The following GRID1 variants were observed in gnomAD, a reference collection of about 807,000 sequenced individuals.
The protein encoded by GRID1 is glutamate receptor ionotropic, delta-1.
In GRID1, 28 loss-of-function variants were observed where a neutral mutation model predicts 98.0. The ratio of observed to expected loss-of-function variants is 0.29; its 90% CI spans 0.21 to 0.39. GRID1 has a LOEUF of 0.39. GRID1 is among the 10% of genes least tolerant of loss of function. The probability of loss-of-function intolerance (pLI) is 1.00; values close to 1 mark genes in which losing one functional copy is unlikely to be tolerated. For synonymous variants in GRID1, 553 were observed against 538.5 expected, an observed-to-expected ratio of 1.03 and a Z score of -0.37; for missense variants, 1,111 against 1,340.5, an observed-to-expected ratio of 0.83 and a Z score of 2.67.
At chr10:86,323,761 A>C (rs1391600925) in intron 2 of GRID1, among the ~76,000 whole-genome samples, 4 of 152,258 alleles carry the variant, frequency 2.6e-5, no homozygotes, top group African/African-American at 9.6e-5. Flanking sequence ...AAGTCACTGA[A>C]GTGTATACTT....
At chr10:86,168,133 G>A (rs1263880646) in intron 3 of GRID1, among the ~76,000 whole-genome samples, 1 of 152,160 alleles carries the variant, frequency 6.6e-6, no homozygotes, top group Non-Finnish European at 1.5e-5. Context: ...GGGGCAAGGT[G>A]AGCCTGCATG....
chr10:85,874,153 T>C (rs1372721140), intron 5 of GRID1, among the ~76,000 whole-genome samples: 1 of 152,226 alleles, frequency 6.6e-6, no homozygotes, highest in Admixed American at 6.5e-5. Context: ...AGAATTAAAG[T>C]TCCTTGATTA....
At chr10:85,715,354 A>T (rs1841626611) in intron 12 of GRID1, among the ~76,000 whole-genome samples, 1 of 152,250 alleles carries the variant, frequency 6.6e-6, no homozygotes, top group African/African-American at 2.4e-5. Context: ...AGCACAGGCA[A>T]CAAAAGCAAC....
intron 4 of GRID1, among the ~76,000 whole-genome samples, chr10:86,037,314 G>A (rs1301056756): frequency 1.3e-5 from 2 of 152,170 alleles, no homozygotes; most frequent in Non-Finnish European, 2.9e-5. Flanking sequence ...CAAAAAGCAG[G>A]GAGCCTGATG....
intron 2 of GRID1, among the ~76,000 whole-genome samples, chr10:86,337,819 T>C (rs990268356): frequency 2.1e-5 from 3 of 146,054 alleles, no homozygotes; most frequent in African/African-American, 7.6e-5. Context: ...GTGATTCTCC[T>C]GCCTCAGCCT....
At chr10:85,752,657 T>G (rs926084656) in intron 8 of GRID1, among the ~76,000 whole-genome samples, 7 of 152,224 alleles carry the variant, frequency 4.6e-5, no homozygotes, top group Non-Finnish European at 1.5e-5. Context: ...AACTTGGAAT[T>G]TTTAACCAAT....
intron 4 of GRID1, among the ~76,000 whole-genome samples, chr10:85,932,152 T>A (rs1470870329): frequency 1.3e-5 from 2 of 152,220 alleles, no homozygotes; most frequent in Middle Eastern, 3.2e-3. Context: ...ATAGTATCTT[T>A]ATTACCAAGC....
chr10:86,024,115 G>A (rs537290783), intron 4 of GRID1, among the ~76,000 whole-genome samples: 2 of 152,212 alleles, frequency 1.3e-5, no homozygotes, highest in East Asian at 1.9e-4. Context: ...CCTAGTCAAG[G>A]GCCCCATGAG....
intron 13 of GRID1, among the ~76,000 whole-genome samples, chr10:85,623,977 T>C (rs752637476): frequency 6.6e-6 from 1 of 152,086 alleles, no homozygotes; most frequent in South Asian, 2.1e-4. Context: ...TGTCCCAGAG[T>C]CCCTTGACCA....
chr10:86,123,661 GT>G, intron 4 of GRID1, among the ~76,000 whole-genome samples: 1 of 152,324 alleles, frequency 6.6e-6, no homozygotes. Flanking sequence ...TGTTATTGCT[GT>G]TGCTTTTGCT....
intron 3 of GRID1, among the ~76,000 whole-genome samples, chr10:86,160,039 C>T (rs1845299552): frequency 6.6e-6 from 1 of 152,150 alleles, no homozygotes; most frequent in Admixed American, 6.5e-5. Flanking sequence ...CCACCATCAA[C>T]ACCAGCATCA....
chr10:86,088,941 A>G (rs1212826121), intron 4 of GRID1, among the ~76,000 whole-genome samples: 1 of 152,062 alleles, frequency 6.6e-6, no homozygotes, highest in South Asian at 2.1e-4. Context: ...CTATCTAGCC[A>G]AAGGTCCAGG....
chr10:85,876,028 G>C (rs1046640339), intron 5 of GRID1, among the ~76,000 whole-genome samples: 1 of 152,124 alleles, frequency 6.6e-6, no homozygotes, highest in Non-Finnish European at 1.5e-5. Flanking sequence ...TCTCACTCTT[G>C]AAAGATATAA....
intron 2 of GRID1, among the ~76,000 whole-genome samples, chr10:86,329,614 TC>T (rs1248010516): frequency 6.6e-6 from 1 of 152,008 alleles, no homozygotes; most frequent in African/African-American, 2.4e-5. Context: ...TCTGTGACCA[TC>T]CCCTGGTCCA....
chr10:85,735,151 C>T (rs1013737831), intron 8 of GRID1, among the ~76,000 whole-genome samples: 1 of 152,176 alleles, frequency 6.6e-6, no homozygotes, highest in Non-Finnish European at 1.5e-5. Context: ...TTGTATTTTG[C>T]AGACAGAATT....
At chr10:86,002,645 G>C (rs1277115459) in intron 4 of GRID1, among the ~76,000 whole-genome samples, 1 of 152,136 alleles carries the variant, frequency 6.6e-6, no homozygotes, top group Non-Finnish European at 1.5e-5. Flanking sequence ...TCCTACAAAA[G>C]AAAGGAGCCA....
intron 4 of GRID1, among the ~76,000 whole-genome samples, chr10:85,917,695 T>C (rs1841640551): frequency 6.6e-6 from 1 of 152,198 alleles, no homozygotes; most frequent in South Asian, 2.1e-4. Context: ...GCCTGCAAAC[T>C]GTCATGCACA....
chr10:86,020,036 A>G (rs1843029500), intron 4 of GRID1, among the ~76,000 whole-genome samples: 1 of 152,256 alleles, frequency 6.6e-6, no homozygotes, highest in South Asian at 2.1e-4. Context: ...CAGACGTCAT[A>G]TATCACCTAA....
At position 86,041,903 on chromosome 10, in the gene GRID1, G is replaced by A. The variant is rs573183002; in HGVS notation, c.726+96916C>T. ...CCTTACCATGGATATCTGGCCTCAC[G>A]CTGCCTGCTACTGAGGACCCTGTCA... On this transcript the variant is annotated intron_variant, in intron 4 of 15. Coordinates refer to ENST00000327946, the MANE Select transcript of GRID1 (RefSeq NM_017551.3). Among the ~76,000 whole-genome samples the A allele has an allele frequency of 3.9e-5, 6 of 152,256 alleles. No individual in the cohort carries two copies. In the South Asian group the frequency reaches 6.2e-4, roughly 16 times the overall value.
Sources: allele counts gnomAD v4.1 joint callset (sites outside exome capture counted in the v4.1 genomes callset), GRCh38; gene constraint gnomAD v4.1.1; transcripts MANE v1.5; gene names NCBI Gene and HGNC (gene_info 2026-07-23, HGNC 2026-07-21).